The following CELF2 variants were observed in gnomAD, a reference collection of about 807,000 sequenced individuals.
CELF2 encodes the protein CUGBP Elav-like family member 2.
A neutral mutation model predicts 62.6 loss-of-function variants in CELF2; 8 were observed. The observed-to-expected ratio is 0.13, with a 90% CI of 0.07 to 0.23. CELF2 has a LOEUF of 0.23. Among genes scored for constraint, CELF2 ranks in the 10% least tolerant of loss-of-function variants. The pLI is 1.00. For missense variants in CELF2, 333 were observed against 671.0 expected (o/e 0.50, Z 5.56); for synonymous variants, 258 against 250.0 (o/e 1.03, Z -0.30).
chr10:10,596,450 G>T, the CELF2 span, among the ~76,000 whole-genome samples: 1 of 152,300 alleles, frequency 6.6e-6, no homozygotes, highest in East Asian at 1.9e-4. Context: ...CACTGCTTGC[G>T]TGGGGCTTGG....
In CELF2 at chr10:10,917,187, T is replaced by C. The variant is rs147263068; in HGVS notation, c.54-2777T>C. ...GTATACTCTTGGTAAGCGTGGAGACTTAAGCAGCTGGAGCCAAAGCAAAGC... is the reference window on the plus strand; with the variant it reads ...GTATACTCTTGGTAAGCGTGGAGACCTAAGCAGCTGGAGCCAAAGCAAAGC... On this transcript the variant is annotated intron_variant, in intron 1 of 13. Transcript: ENST00000636488. 8.4e-3 allele frequency among the ~76,000 whole-genome samples: 1,272 copies of C among 152,330 alleles called. 2 individuals are homozygous for C. The highest frequency in any genetic ancestry group is 0.011 in the African/African-American group (439 of 41,586).
rs2055047660 is a variant in CELF2, at chr10:11,005,341, G to A, written c.-47G>A. The A allele has an allele frequency of 6.2e-7, 1 of 1,612,876 alleles. No individual in the cohort carries two copies. The highest frequency in any genetic ancestry group is 8.5e-7 in the Non-Finnish European group (1 of 1,179,366). ...AGCAGCGACTGTGGCATTGATGTTT[G>A]AGCATACTTCTGAACTGGCTTTTGT... On this transcript the variant is annotated 5_prime_UTR_variant, in exon 1 of 13. Transcript: ENST00000416382. The surrounding 1 kb of genome is among the most constrained non-coding windows in gnomAD (Gnocchi z 4.3).
chr10:10,802,211 AC>A (rs1356574020), intron 1 of CELF2, among the ~76,000 whole-genome samples: 4 of 152,246 alleles, frequency 2.6e-5, no homozygotes, highest in Non-Finnish European at 4.4e-5. Context: ...AGTGGCTGAC[AC>A]CTTAATCCCA....
At chr10:11,131,397 A>T (rs1204775176) in intron 1 of CELF2, among the ~76,000 whole-genome samples, 1 of 152,180 alleles carries the variant, frequency 6.6e-6, no homozygotes, top group East Asian at 1.9e-4. Flanking sequence ...CAATGGTAAG[A>T]TCTGGGATTC....
intron 9 of CELF2, among the ~76,000 whole-genome samples, chr10:11,295,978 T>C (rs376789902): frequency 7.9e-5 from 12 of 152,266 alleles, no homozygotes; most frequent in East Asian, 7.7e-4. Flanking sequence ...AGTCTCTTAA[T>C]AGTCTGTAAC....
In CELF2 at chr10:11,318,749, C is replaced by T. The variant is rs1457277675; in HGVS notation, c.1097-2440C>T. ...AAAGTAGGAAGATAATTTTTCTGAC[C>T]TGGAAATTAAAAAAACAGCTGTGTA... On this transcript the variant is annotated intron_variant, in intron 10 of 12. Transcript: ENST00000633077. The surrounding 1 kb of genome is among the most constrained non-coding windows in gnomAD (Gnocchi z 5.4). The T allele has an allele frequency of 6.4e-6, 3 of 467,402 alleles. No individual in the cohort carries two copies. Among genetic ancestry groups the T allele is most frequent in the Non-Finnish European group, 8.9e-6 (2 of 225,338 alleles). The allele number at this position is 467,402 out of a possible 1,614,324, so 29.0% of individuals were successfully genotyped here.
chr10:10,564,255 A>G, the CELF2 span, among the ~76,000 whole-genome samples: 1 of 152,174 alleles, frequency 6.6e-6, no homozygotes. Context: ...TTCCATGGCA[A>G]TTACCGCAAC....
At position 10,869,568 on chromosome 10, in the gene CELF2, G is replaced by A. The variant is rs12219679; in HGVS notation, c.54-50396G>A. The stretch of plus-strand genomic sequence containing the variant: ...TGACAGAGTGAGACTTCATCTGGGG[G>A]AAAAAAAAATGGAAACAACAAATGT... On this transcript the variant is annotated intron_variant, in intron 1 of 13. Coordinates refer to the CELF2 transcript ENST00000636488. Among the ~76,000 whole-genome samples the A allele has an allele frequency of 3.3e-5, 5 of 150,570 alleles. No homozygotes were observed. The East Asian group carries it at 5.9e-4, about 18-fold the overall frequency.
intron 1 of CELF2, among the ~76,000 whole-genome samples, chr10:11,101,770 A>G (rs1250378977): frequency 6.6e-6 from 1 of 152,166 alleles, no homozygotes; most frequent in Non-Finnish European, 1.5e-5. Context: ...GCCTGGAATA[A>G]TTTTCCTTTA....
At chr10:10,728,920 G>T in the CELF2 span, among the ~76,000 whole-genome samples, 1 of 152,114 alleles carries the variant, frequency 6.6e-6, no homozygotes, top group Non-Finnish European at 1.5e-5. Context: ...CCTTAACAAG[G>T]TCTACTGCTA....
the CELF2 span, among the ~76,000 whole-genome samples, chr10:10,679,893 C>T: frequency 2.6e-5 from 4 of 152,188 alleles, no homozygotes; most frequent in African/African-American, 9.7e-5. Flanking sequence ...GCTTCAGTTG[C>T]TGCACTGAAC....
At chr10:10,755,074 G>A in the CELF2 span, among the ~76,000 whole-genome samples, 1 of 152,014 alleles carries the variant, frequency 6.6e-6, no homozygotes, top group Non-Finnish European at 1.5e-5. Flanking sequence ...GTTTACAAAA[G>A]ACAAATGCCA....
At chr10:11,068,985 C>T (rs1307101878) in intron 1 of CELF2, among the ~76,000 whole-genome samples, 2 of 152,148 alleles carry the variant, frequency 1.3e-5, no homozygotes, top group Admixed American at 1.3e-4. Flanking sequence ...TATCTTGAAA[C>T]ATTTTCCTAT....
the CELF2 span, among the ~76,000 whole-genome samples, chr10:10,610,107 G>A: frequency 6.6e-6 from 1 of 152,160 alleles, no homozygotes; most frequent in South Asian, 2.1e-4. Context: ...AAGATAATTA[G>A]TTCAGGCTGC....
rs2094120239 is a variant in CELF2, at chr10:11,305,347, C to T, written c.977-8792C>T. 6.6e-6 allele frequency among the ~76,000 whole-genome samples: 1 copy of T among 152,228 alleles called. No homozygotes were observed. The highest frequency in any genetic ancestry group is 1.5e-5 in the Non-Finnish European group (1 of 68,044). On this transcript the variant is annotated intron_variant, in intron 9 of 12. Coordinates refer to ENST00000633077, the MANE Select transcript of CELF2 (RefSeq NM_001326342.2). The surrounding 1 kb of genome is among the most constrained non-coding windows in gnomAD (Gnocchi z 4.8). ...GCCATTGGCCTCCTTGTGGAGTCCT[C>T]ATGCCCACACCTGGGTGCCGGCGCC...
chr10:10,793,037 A>G, the CELF2 span, among the ~76,000 whole-genome samples: 4 of 152,236 alleles, frequency 2.6e-5, no homozygotes, highest in African/African-American at 9.6e-5. Context: ...TAGAACCAGC[A>G]GAAAATGTCA....
intron 2 of CELF2, among the ~76,000 whole-genome samples, chr10:10,939,903 G>A (rs1160840480): frequency 6.6e-6 from 1 of 152,090 alleles, no homozygotes; most frequent in Admixed American, 6.5e-5. Context: ...GCAGTGAGCC[G>A]AGACCGCACC....
At chr10:10,533,279 C>G in the CELF2 span, among the ~76,000 whole-genome samples, 3 of 152,072 alleles carry the variant, frequency 2.0e-5, no homozygotes, top group African/African-American at 7.2e-5. Context: ...TTTGTTTTGT[C>G]TTTTAATGAA....
At chr10:11,068,807 G>A (rs369249669) in intron 1 of CELF2, among the ~76,000 whole-genome samples, 58 of 152,188 alleles carry the variant, frequency 3.8e-4, no homozygotes, top group African/African-American at 1.3e-3. Flanking sequence ...TGATCCACCC[G>A]CCTCAGCTTC....
Sources: gnomAD v4.1 joint callset for allele counts (sites outside exome capture counted in the v4.1 genomes callset) on GRCh38, gnomAD v4.1.1 for gene constraint, Gnocchi (gnomAD v3.1) non-coding constraint, MANE v1.5 for transcripts, NCBI Gene and HGNC (gene_info 2026-07-23, HGNC 2026-07-21) for gene names.